Variants in KCNMA1 observed in about 807,000 individuals in gnomAD.
KCNMA1 encodes potassium calcium-activated channel subfamily M alpha 1, also known as Calcium-activated potassium channel subunit alpha-1.
In KCNMA1, 29 loss-of-function variants were observed where a neutral mutation model predicts 140.0. That is an observed-to-expected ratio of 0.21 (90% confidence interval 0.15 to 0.28). KCNMA1 has a LOEUF of 0.28. Ranked by LOEUF, KCNMA1 falls within the 10% of genes least tolerant of loss-of-function variation. The probability of loss-of-function intolerance (pLI) is 1.00; values close to 1 mark genes in which losing one functional copy is unlikely to be tolerated. For synonymous variants in KCNMA1, 612 were observed against 611.9 expected (o/e 1.00, Z 0.00); for missense variants, 880 against 1,602.2 (o/e 0.55, Z 7.70).
In KCNMA1 at chr10:77,251,325, T is replaced by C. The variant is rs114938548; in HGVS notation, c.541-69A>G. ...CAGGATGTTTGGGTTTTTTGACACA[T>C]ACCGAAGCAGCTTTGAAATACGGTG... On this transcript the variant is annotated intron_variant, in intron 2 of 27. Transcript: ENST00000286628. 1.5e-3 allele frequency: 1,866 copies of C among 1,220,466 alleles called. 21 individuals carry two copies. The African/African-American group carries it at 0.025, about 16-fold the overall frequency. 75.6% of individuals were successfully genotyped at this position (1,220,466 alleles called of 1,614,324 possible).
intron 5 of KCNMA1, among the ~76,000 whole-genome samples, chr10:77,162,939 A>T (rs535448450): frequency 1.3e-5 from 2 of 152,366 alleles, no homozygotes; most frequent in African/African-American, 4.8e-5. Flanking sequence ...GATCTGACCC[A>T]TCAAGGATAA....
At position 77,382,864 on chromosome 10, in the gene KCNMA1, T is replaced by C. The variant is rs2095439970; in HGVS notation, c.540+20998A>G. 9.7e-4 allele frequency among the ~76,000 whole-genome samples: 5 copies of C among 5,176 alleles called. No homozygotes were observed. In the Admixed American group the frequency reaches 0.013, roughly 13 times the overall value. The allele number at this position is 5,176 out of a possible 152,430, so 3.4% of individuals were successfully genotyped here. Reference sequence around the variant, plus strand: ...TGGGAGACAAGAGCAAAGCTCCGTCTCAAAAAAAAAAAAAAAAAAAAATAT... The same window carrying C: ...TGGGAGACAAGAGCAAAGCTCCGTCCCAAAAAAAAAAAAAAAAAAAAATAT... On this transcript the variant is annotated intron_variant, in intron 2 of 27. Coordinates refer to ENST00000286628, the MANE Select transcript of KCNMA1 (RefSeq NM_001161352.2).
chr10:77,252,165 G>A (rs1020369603), intron 2 of KCNMA1, among the ~76,000 whole-genome samples: 5 of 152,206 alleles, frequency 3.3e-5, no homozygotes, highest in Non-Finnish European at 7.3e-5. Context: ...TCATGCTAAG[G>A]TCCATAGAAT....
At chr10:77,616,787 G>A (rs544057324) in intron 1 of KCNMA1, among the ~76,000 whole-genome samples, 78 of 151,522 alleles carry the variant, frequency 5.1e-4, no homozygotes, top group African/African-American at 1.8e-3. Context: ...GTCTGGGCAC[G>A]AGAGTGAAGC....
chr10:76,930,224 C>A (rs2058918391), intron 23 of KCNMA1: 1 of 152,068 alleles, frequency 6.6e-6, no homozygotes, highest in Non-Finnish European at 1.5e-5. Flanking sequence ...TTAAAACCAC[C>A]TAGCCAATAA....
At chr10:77,506,290 C>T (rs2045783651) in intron 1 of KCNMA1, among the ~76,000 whole-genome samples, 2 of 152,128 alleles carry the variant, frequency 1.3e-5, no homozygotes, top group Admixed American at 1.3e-4. Context: ...AGCATCTCCC[C>T]ACTGGCTGCA....
rs1246648857 is a variant in KCNMA1, at chr10:76,961,669, C to T, written c.2361-7745G>A. ...TTGTTGTCTTATTTTAAGAAATTGT[C>T]GCAGCCACCACAATCTTCAGCTACC... On this transcript the variant is annotated intron_variant, in intron 20 of 27. Transcript: ENST00000286628. Among the ~76,000 whole-genome samples, 6 of 152,112 alleles carry T rather than the reference C, an allele frequency of 3.9e-5. No homozygotes were observed. The East Asian group carries it at 5.8e-4, about 15-fold the overall frequency.
At chr10:77,208,799 T>C (rs904070118) in intron 3 of KCNMA1, among the ~76,000 whole-genome samples, 3 of 152,204 alleles carry the variant, frequency 2.0e-5, no homozygotes, top group Non-Finnish European at 4.4e-5. Flanking sequence ...GATTCCCCAA[T>C]GTGACCCTCT....
At chr10:77,002,451 C>T (rs1463822090) in intron 18 of KCNMA1, among the ~76,000 whole-genome samples, 2 of 152,160 alleles carry the variant, frequency 1.3e-5, no homozygotes, top group African/African-American at 2.4e-5. Flanking sequence ...AGCAATCAGG[C>T]TATTGGTTAA....
rs140694199 is a variant in KCNMA1, at chr10:77,237,066, A to C, written c.602+14129T>G. On this transcript the variant is annotated intron_variant, in intron 3 of 27. Coordinates refer to ENST00000286628, the MANE Select transcript of KCNMA1 (RefSeq NM_001161352.2). ...TAACCGATCTCTTTACTGCCTTACA[A>C]TACATCTTATTTTGTTTCTTAACTT... 9.9e-4 allele frequency among the ~76,000 whole-genome samples: 151 copies of C among 152,288 alleles called. 1 individual carries two copies. The highest frequency in any genetic ancestry group is 3.5e-3 in the African/African-American group (147 of 41,540).
chr10:76,977,827 C>T (rs1249378083), intron 19 of KCNMA1: 1 of 579,486 alleles, frequency 1.7e-6, no homozygotes, highest in Non-Finnish European at 3.1e-6. Flanking sequence ...TTTTCCAACT[C>T]AAGCTAAGTT....
intron 19 of KCNMA1, among the ~76,000 whole-genome samples, chr10:76,994,445 C>G (rs1309687980): frequency 6.6e-6 from 1 of 152,160 alleles, no homozygotes; most frequent in Non-Finnish European, 1.5e-5. Context: ...TAATTCTAGT[C>G]GTAACATGAA....
rs1277379145 is a variant in KCNMA1, at chr10:76,889,600, A to T, written c.3343-31T>A. ...AGACAGCAAAAGAACAGAGAGAAAC[A>T]TCCTTTTTATTTGCCTGAAAATCAA... On this transcript the variant is annotated intron_variant, in intron 26 of 27. Transcript: ENST00000286628. 11 of 1,506,970 alleles carry T rather than the reference A, an allele frequency of 7.3e-6. No individual in the cohort carries two copies. In the Admixed American group the frequency reaches 1.7e-4, roughly 23 times the overall value. 93.3% of individuals were successfully genotyped at this position (1,506,970 alleles called of 1,614,324 possible). A position where few individuals can be genotyped will look rare whatever the true frequency, so the allele number is the denominator to read the frequency against.
At chr10:77,488,788 C>T (rs879623269) in intron 1 of KCNMA1, among the ~76,000 whole-genome samples, 2 of 152,238 alleles carry the variant, frequency 1.3e-5, no homozygotes, top group Non-Finnish European at 2.9e-5. Context: ...GCAGAGGACA[C>T]TCTGTTCCCC....
At chr10:77,068,113 T>G (rs1187166007) in intron 14 of KCNMA1, among the ~76,000 whole-genome samples, 1 of 152,196 alleles carries the variant, frequency 6.6e-6, no homozygotes, top group South Asian at 2.1e-4. Context: ...CACATCCGCA[T>G]GCAGGTTGTT....
Position 77,025,998 on chromosome 10 carries a change from A to T in KCNMA1, c.1928+1825T>A, listed in dbSNP as rs948046259. Among the ~76,000 whole-genome samples the T allele has an allele frequency of 1.6e-3, 219 of 139,926 alleles. 1 individual carries two copies. In the East Asian group the frequency reaches 0.017, roughly 11 times the overall value. 91.8% of individuals were successfully genotyped at this position (139,926 alleles called of 152,430 possible). On this transcript the variant is annotated intron_variant, in intron 16 of 27. Transcript: ENST00000286628. ...TTTGCCCTTTTCTGAAGAAAAAAAA[A>T]ATATATATATATATATATATACTAA...
chr10:77,071,896 G>C (rs568450310), intron 14 of KCNMA1, among the ~76,000 whole-genome samples: 12 of 152,304 alleles, frequency 7.9e-5, no homozygotes, highest in African/African-American at 2.9e-4. Context: ...AAAAACTCCT[G>C]CTCTAAATAA....
chr10:77,459,382 C>T (rs2097816489), intron 1 of KCNMA1, among the ~76,000 whole-genome samples: 1 of 152,222 alleles, frequency 6.6e-6, no homozygotes, highest in Non-Finnish European at 1.5e-5. Flanking sequence ...GCCTTCCAAG[C>T]ATTTGTGATC....
intron 5 of KCNMA1, among the ~76,000 whole-genome samples, chr10:77,177,755 C>G (rs2098765757): frequency 6.6e-6 from 1 of 152,120 alleles, no homozygotes; most frequent in Non-Finnish European, 1.5e-5. Flanking sequence ...ATTCTCCCAC[C>G]CACATGAGCT....
Sources: gnomAD v4.1 joint callset for allele counts (sites outside exome capture counted in the v4.1 genomes callset) on GRCh38, gnomAD v4.1.1 for gene constraint, MANE v1.5 for transcripts, NCBI Gene and HGNC (gene_info 2026-07-23, HGNC 2026-07-21) for gene names.